BBOX1: variants seen among roughly 807,000 people sequenced by gnomAD.
BBOX1 encodes gamma-butyrobetaine dioxygenase.
BBOX1 carries 35 observed loss-of-function variants against 41.6 expected under a neutral mutation model. The ratio of observed to expected loss-of-function variants is 0.84; its 90% CI spans 0.64 to 1.11. The LOEUF is 1.11. Among genes scored for constraint, BBOX1 ranks in the 50% most tolerant of loss-of-function variants. The probability of loss-of-function intolerance (pLI) is 0.00; values close to 1 mark genes in which losing one functional copy is unlikely to be tolerated. For missense variants in BBOX1, 458 were observed against 460.6 expected (o/e 0.99, Z 0.05); for synonymous variants, 163 against 154.7 (o/e 1.05, Z -0.40).
At chr11:27,075,673 C>T (rs1310343796) in intron 4 of BBOX1, among the ~76,000 whole-genome samples, 3 of 152,148 alleles carry the variant, frequency 2.0e-5, no homozygotes, top group Non-Finnish European at 4.4e-5. Flanking sequence ...GAATGAAATT[C>T]CAAGTAGAGT....
intron 4 of BBOX1, among the ~76,000 whole-genome samples, chr11:27,088,071 A>G (rs1378977413): frequency 2.0e-5 from 3 of 150,474 alleles, no homozygotes; most frequent in East Asian, 3.9e-4. Context: ...AAAACAAAGT[A>G]TATTATAGGT....
chr11:27,120,203 G>C (rs77734132), intron 7 of BBOX1, among the ~76,000 whole-genome samples: 5,075 of 152,200 alleles, frequency 0.033, 127 homozygotes, highest in South Asian at 0.11. Context: ...ACAATGTCAT[G>C]TGATATTGGT....
chr11:27,077,566 G>C (rs75082706), intron 4 of BBOX1, among the ~76,000 whole-genome samples: 1 of 146,234 alleles, frequency 6.8e-6, no homozygotes, highest in Non-Finnish European at 1.5e-5. Flanking sequence ...ACACTATTTC[G>C]TCTTTCCAAA....
At chr11:27,101,643 TG>T (rs1418875996) in intron 5 of BBOX1, among the ~76,000 whole-genome samples, 1 of 152,126 alleles carries the variant, frequency 6.6e-6, no homozygotes, top group Admixed American at 6.6e-5. Flanking sequence ...TTTTTATTAA[TG>T]GCAGTATTAT....
At chr11:27,115,340 T>C (rs1859219787) in intron 5 of BBOX1, 112 bp from the exon 6 acceptor site, 5 of 806,096 alleles carry the variant, frequency 6.2e-6, no homozygotes, top group African/African-American at 3.5e-5. Context: ...TTATGGTAAT[T>C]ATTTCAAAAA....
intron 5 of BBOX1, among the ~76,000 whole-genome samples, chr11:27,108,572 A>T (rs1002440776): frequency 6.6e-6 from 1 of 152,072 alleles, no homozygotes; most frequent in African/African-American, 2.4e-5. Context: ...CATAGAGAAC[A>T]TGTATTTCTT....
chr11:27,122,731 A>C (rs141685676), intron 7 of BBOX1, among the ~76,000 whole-genome samples: 5 of 152,278 alleles, frequency 3.3e-5, no homozygotes, highest in African/African-American at 1.2e-4. Context: ...TGCTGTCACT[A>C]ATGAGGAGTA....
At chr11:27,094,876 G>A (rs1445009317) in intron 5 of BBOX1, among the ~76,000 whole-genome samples, 1 of 151,914 alleles carries the variant, frequency 6.6e-6, no homozygotes, top group East Asian at 1.9e-4. Context: ...AGCTGCCCTA[G>A]AGATTACAGC....
At chr11:27,116,946 T>A (rs1859287274) in intron 6 of BBOX1, among the ~76,000 whole-genome samples, 1 of 152,012 alleles carries the variant, frequency 6.6e-6, no homozygotes, top group Admixed American at 6.6e-5. Flanking sequence ...AGATTCCTTG[T>A]CAAGGAGGGA....
chr11:27,059,086 A>G (rs1223129270), intron 4 of BBOX1, among the ~76,000 whole-genome samples: 3 of 152,154 alleles, frequency 2.0e-5, no homozygotes, highest in Non-Finnish European at 4.4e-5. Flanking sequence ...AGGCCTAGGA[A>G]GGAAGAATGC....
At chr11:27,047,919 G>T (rs750454153) in intron 2 of BBOX1, among the ~76,000 whole-genome samples, 1 of 151,804 alleles carries the variant, frequency 6.6e-6, no homozygotes, top group African/African-American at 2.4e-5. Flanking sequence ...TAATCTTACC[G>T]TCCATACAAT....
intron 4 of BBOX1, among the ~76,000 whole-genome samples, chr11:27,059,941 G>A (rs1049602098): frequency 1.3e-5 from 2 of 152,168 alleles, no homozygotes; most frequent in Admixed American, 6.5e-5. Context: ...CCCTGTCTTA[G>A]ATGAAACTTT....
chr11:27,055,740 C>T lies in BBOX1; in HGVS notation c.219+91C>T. The T allele has an allele frequency of 5.5e-6, 7 of 1,261,410 alleles. 1 individual carries two copies. The South Asian group carries it at 1.0e-4, about 18-fold the overall frequency. The allele number at this position is 1,261,410 out of a possible 1,614,324, so 78.1% of individuals were successfully genotyped here. A position where few individuals can be genotyped will look rare whatever the true frequency, so the allele number is the denominator to read the frequency against. On this transcript the variant is annotated intron_variant, in intron 3 of 8. Transcript: ENST00000263182. ...TTTAGATAACTCTTTTTTATTTGGT[C>T]ACGCATATATAACCGCATATGAACC...
At chr11:27,114,245 A>G (rs969616274) in intron 5 of BBOX1, among the ~76,000 whole-genome samples, 1 of 151,870 alleles carries the variant, frequency 6.6e-6, no homozygotes, top group South Asian at 2.1e-4. Flanking sequence ...TGCTGACAGA[A>G]GTTAAAGAAA....
intron 6 of BBOX1, among the ~76,000 whole-genome samples, chr11:27,116,623 G>C (rs568780488): frequency 1.3e-5 from 2 of 151,880 alleles, no homozygotes; most frequent in African/African-American, 4.8e-5. Context: ...GTTGGCTTGG[G>C]ACAGATTGAC....
intron 5 of BBOX1, among the ~76,000 whole-genome samples, chr11:27,111,316 T>C (rs1232825603): frequency 6.6e-6 from 1 of 151,684 alleles, no homozygotes; most frequent in Admixed American, 6.6e-5. Flanking sequence ...GACATAAAGA[T>C]GGCAAAAATA....
chr11:27,087,540 T>C (rs1401833453), intron 4 of BBOX1, among the ~76,000 whole-genome samples: 1 of 152,136 alleles, frequency 6.6e-6, no homozygotes, highest in Non-Finnish European at 1.5e-5. Context: ...TTATATGCAT[T>C]AGGAAACCAA....
At chr11:27,124,069 C>T (rs991255733) in intron 7 of BBOX1, among the ~76,000 whole-genome samples, 3 of 152,064 alleles carry the variant, frequency 2.0e-5, no homozygotes, top group Non-Finnish European at 2.9e-5. Flanking sequence ...GCACAAGGGG[C>T]CCTGATCATC....
chr11:27,092,226 C>G (rs1286628805), intron 4 of BBOX1, among the ~76,000 whole-genome samples: 8 of 151,864 alleles, frequency 5.3e-5, no homozygotes, highest in Admixed American at 4.6e-4. Flanking sequence ...GACACATTCC[C>G]CAGCTAGAAA....
Sources: gnomAD v4.1 joint callset for allele counts (sites outside exome capture counted in the v4.1 genomes callset) on GRCh38, gnomAD v4.1.1 for gene constraint, MANE v1.5 for transcripts, NCBI Gene and HGNC (gene_info 2026-07-23, HGNC 2026-07-21) for gene names.